Variants in VPS13D observed in about 807,000 individuals in gnomAD.
VPS13D encodes the protein intermembrane lipid transfer protein VPS13D.
Under a neutral mutation model 461.9 loss-of-function variants are expected in VPS13D, and 187 were observed. The ratio of observed to expected loss-of-function variants is 0.40; its 90% CI spans 0.36 to 0.46. The LOEUF (loss-of-function observed/expected upper bound fraction) is 0.46. Among genes scored for constraint, VPS13D ranks in the 20% least tolerant of loss-of-function variants. VPS13D has a pLI of 0.60. For synonymous variants in VPS13D, 1,951 were observed against 1,986.3 expected, an observed-to-expected ratio of 0.98 and a Z score of 0.47; for missense variants, 4,711 against 5,364.9, an observed-to-expected ratio of 0.88 and a Z score of 3.81.
chr1:12,401,730 G>T (rs752841811), intron 62 of VPS13D, 26 bp downstream of exon 62: 1 of 1,584,798 alleles, frequency 6.3e-7, no homozygotes, highest in Non-Finnish European at 8.7e-7. Context: ...CTATGTCTGT[G>T]TTTGGGAATT....
chr1:12,393,681 T>C (rs1474070560), intron 60 of VPS13D, among the ~76,000 whole-genome samples: 1 of 152,208 alleles, frequency 6.6e-6, no homozygotes, highest in Non-Finnish European at 1.5e-5. Flanking sequence ...AGGGATGTGA[T>C]ACTGTTTTTG....
At chr1:12,292,003 A>C (rs1178119600) in intron 23 of VPS13D, among the ~76,000 whole-genome samples, 1 of 152,186 alleles carries the variant, frequency 6.6e-6, no homozygotes, top group Non-Finnish European at 1.5e-5. Context: ...TCACGCCTGT[A>C]ATCCCAGCAC....
At chr1:12,414,694 G>A (rs1490953164) in intron 63 of VPS13D, among the ~76,000 whole-genome samples, 1 of 152,128 alleles carries the variant, frequency 6.6e-6, no homozygotes, top group East Asian at 1.9e-4. Context: ...TCTGGTGGTG[G>A]TTACATTATT....
rs185974991 is a variant in VPS13D, at chr1:12,407,143, A to G, written c.12030+3170A>G. 1.5e-3 allele frequency: 231 copies of G among 152,366 alleles called. 4 individuals are homozygous for G. Among genetic ancestry groups the G allele is most frequent in the African/African-American group, 5.4e-3 (224 of 41,586 alleles). 9.4% of individuals were successfully genotyped at this position (152,366 alleles called of 1,614,324 possible). A position where few individuals can be genotyped will look rare whatever the true frequency, so the allele number is the denominator to read the frequency against. ...ATTTCAGAAAGTGCCAGAGAGGGAA[A>G]TATCCCTGTAGTTTTAAACATTGTC... On this transcript the variant is annotated intron_variant, in intron 63 of 69. Transcript: ENST00000620676.
intron 66 of VPS13D, among the ~76,000 whole-genome samples, chr1:12,456,595 G>T (rs922831892): frequency 7.3e-6 from 1 of 137,372 alleles, no homozygotes; most frequent in Non-Finnish European, 1.5e-5. Context: ...CTGAGATCGT[G>T]CCACTGCACT....
intron 46 of VPS13D, among the ~76,000 whole-genome samples, chr1:12,351,847 C>G (rs928859286): frequency 6.6e-6 from 1 of 151,862 alleles, no homozygotes; most frequent in Non-Finnish European, 1.5e-5. Flanking sequence ...CCACTTTGGC[C>G]TCCCAAAGTG....
chr1:12,490,461 TAC>T (rs1265621799), intron 67 of VPS13D, among the ~76,000 whole-genome samples: 1 of 152,254 alleles, frequency 6.6e-6, no homozygotes, highest in Non-Finnish European at 1.5e-5. Context: ...CTTCTCTGAT[TAC>T]AGTTTGCACT....
At chr1:12,453,704 T>C (rs1645292227) in intron 65 of VPS13D, 5 of 152,240 alleles carry the variant, frequency 3.3e-5, no homozygotes, top group Admixed American at 3.3e-4. Flanking sequence ...ATACGATTGT[T>C]ACCTTCTCAA....
At chr1:12,239,769 A>C (rs1038996399) in intron 2 of VPS13D, among the ~76,000 whole-genome samples, 1 of 151,922 alleles carries the variant, frequency 6.6e-6, no homozygotes, top group Non-Finnish European at 1.5e-5. Flanking sequence ...CCTCTAAATT[A>C]CTCCCAGTTT....
intron 59 of VPS13D, 116 bp from the exon 60 acceptor site, chr1:12,386,069 A>G: frequency 7.9e-7 from 1 of 1,265,328 alleles, no homozygotes; most frequent in Non-Finnish European, 1.1e-6. Flanking sequence ...AGTGGTTTTC[A>G]TCTGCTGAGA....
intron 40 of VPS13D, among the ~76,000 whole-genome samples, chr1:12,339,966 T>G (rs1359578832): frequency 6.6e-6 from 1 of 152,202 alleles, no homozygotes; most frequent in African/African-American, 2.4e-5. Flanking sequence ...TGGCTCACAG[T>G]GGGATATGAA....
At chr1:12,442,142 T>G (rs778075373) in intron 65 of VPS13D, among the ~76,000 whole-genome samples, 8 of 152,208 alleles carry the variant, frequency 5.3e-5, no homozygotes, top group Admixed American at 2.6e-4. Flanking sequence ...TAGAGTCAGA[T>G]CTCTAAAACA....
intron 35 of VPS13D, among the ~76,000 whole-genome samples, chr1:12,325,898 A>G (rs1362450583): frequency 2.0e-5 from 3 of 151,612 alleles, no homozygotes; most frequent in Non-Finnish European, 4.4e-5. Context: ...TTTTAAGTAT[A>G]TCCTTGGTAG....
intron 16 of VPS13D, among the ~76,000 whole-genome samples, chr1:12,270,366 G>T (rs374861405): frequency 6.6e-6 from 1 of 152,044 alleles, no homozygotes; most frequent in South Asian, 2.1e-4. Flanking sequence ...CAGGAGACTC[G>T]CTTGAACCTG....
intron 66 of VPS13D, among the ~76,000 whole-genome samples, chr1:12,456,636 CAAAAAAAAAAAAAAA>C (rs367987300): frequency 1.2e-5 from 1 of 83,674 alleles, no homozygotes. Context: ...GACTCCAATT[CAAAAAAAAAAAAAAA>C]AAAAAAAAAG....
intron 63 of VPS13D, among the ~76,000 whole-genome samples, chr1:12,410,403 G>T (rs548058403): frequency 1.3e-5 from 2 of 152,228 alleles, no homozygotes; most frequent in African/African-American, 4.8e-5. Flanking sequence ...CCAAACCCTG[G>T]TTGATTTAGG....
At chr1:12,272,423 G>GTC (rs1239053062) in intron 17 of VPS13D, among the ~76,000 whole-genome samples, 2 of 151,646 alleles carry the variant, frequency 1.3e-5, no homozygotes, top group Non-Finnish European at 2.9e-5. Context: ...GTGTGTGTGT[G>GTC]TGTGTGTTTC....
Position 12,425,280 on chromosome 1 carries a change from G to A in VPS13D, c.12333+8453G>A, listed in dbSNP as rs568606840. Among the ~76,000 whole-genome samples, 8 of 152,198 alleles carry A rather than the reference G, an allele frequency of 5.3e-5. No individual in the cohort carries two copies. In the East Asian group the frequency reaches 1.2e-3, roughly 22 times the overall value. On this transcript the variant is annotated intron_variant, in intron 65 of 69. Coordinates refer to ENST00000620676, the MANE Select transcript of VPS13D (RefSeq NM_015378.4). ...ACGGTTAAAAATCAGAAAGCAGGCCGGGCATGGTGACTGACACCTGTAATC... is the reference window on the plus strand; with the variant it reads ...ACGGTTAAAAATCAGAAAGCAGGCCAGGCATGGTGACTGACACCTGTAATC...
At chr1:12,436,412 A>G (rs1645061221) in intron 65 of VPS13D, among the ~76,000 whole-genome samples, 1 of 152,218 alleles carries the variant, frequency 6.6e-6, no homozygotes, top group Non-Finnish European at 1.5e-5. Context: ...TGGGGTGTGC[A>G]GCAGCAGGAC....
Sources: allele counts gnomAD v4.1 joint callset (sites outside exome capture counted in the v4.1 genomes callset), GRCh38; gene constraint gnomAD v4.1.1; transcripts MANE v1.5; gene names NCBI Gene and HGNC (gene_info 2026-07-23, HGNC 2026-07-21).